Variants in FUT8 observed in about 807,000 individuals in gnomAD.
FUT8 encodes fucosyltransferase 8.
FUT8 carries 29 observed loss-of-function variants against 71.3 expected under a neutral mutation model. That is an observed-to-expected ratio of 0.41 (90% confidence interval 0.30 to 0.55). The LOEUF is 0.55. Among genes scored for constraint, FUT8 ranks in the 20% least tolerant of loss-of-function variants. The pLI is 0.34. For synonymous variants in FUT8, 254 were observed against 239.3 expected (o/e 1.06, Z -0.57); for missense variants, 544 against 702.1 (o/e 0.77, Z 2.55).
At chr14:65,390,093 G>A in the FUT8 span, among the ~76,000 whole-genome samples, 4 of 150,960 alleles carry the variant, frequency 2.6e-5, no homozygotes, top group African/African-American at 9.7e-5. Context: ...AGGAAGCCAC[G>A]ATCACACACA....
intron 1 of FUT8, among the ~76,000 whole-genome samples, chr14:65,425,659 GTGTT>G (rs1202757834): frequency 6.6e-6 from 1 of 151,978 alleles, no homozygotes; most frequent in Non-Finnish European, 1.5e-5. Context: ...TTATTTTTGT[GTGTT>G]TGTGTGGTGA....
upstream of FUT8, among the ~76,000 whole-genome samples, chr14:65,409,798 G>A (rs2065103801): frequency 6.6e-6 from 1 of 152,212 alleles, no homozygotes. The surrounding 1 kb of genome is among the most constrained non-coding windows in gnomAD (Gnocchi z 5.4). Context: ...ACAAGGCCCT[G>A]TTACTTGTTG....
In FUT8 at chr14:65,415,164, T is replaced by C. The variant is rs530060617; in HGVS notation, c.-326+1950T>C. Among the ~76,000 whole-genome samples the C allele has an allele frequency of 5.3e-5, 8 of 152,332 alleles. No homozygotes were observed. The East Asian group carries it at 1.5e-3, about 29-fold the overall frequency. On this transcript the variant is annotated intron_variant, in intron 1 of 10. Coordinates refer to ENST00000673929, the MANE Select transcript of FUT8 (RefSeq NM_001371533.1). ...ATTATTTTTAAAAATGCTGTTATAT[T>C]AGTACATTGGTCTGGAGGGGGAGCT...
intron 2 of FUT8, among the ~76,000 whole-genome samples, chr14:65,485,085 C>G (rs938894153): frequency 6.6e-6 from 1 of 151,816 alleles, no homozygotes; most frequent in Admixed American, 6.6e-5. Context: ...GCCTGTAATT[C>G]CAGCACTTTG....
intron 2 of FUT8, among the ~76,000 whole-genome samples, chr14:65,505,131 TTAAC>T (rs2066707539): frequency 6.6e-6 from 1 of 152,132 alleles, no homozygotes; most frequent in Admixed American, 6.5e-5. Flanking sequence ...CTTGTCTCAT[TTAAC>T]TAGCCACTGT....
chr14:65,641,717 T>C (rs993445861), intron 6 of FUT8, among the ~76,000 whole-genome samples: 10 of 151,362 alleles, frequency 6.6e-5, no homozygotes, highest in African/African-American at 2.4e-4. Context: ...AGTGTATGTG[T>C]AGGGGTATGT....
At chr14:65,715,646 T>C (rs1895018979) in intron 7 of FUT8, among the ~76,000 whole-genome samples, 1 of 152,234 alleles carries the variant, frequency 6.6e-6, no homozygotes, top group South Asian at 2.1e-4. Flanking sequence ...TAGGTTTTGG[T>C]ATGTTGTGTT....
chr14:65,517,569 A>T lies in FUT8; in HGVS notation c.-227-43768A>T, dbSNP rs565943010. 3.9e-5 allele frequency among the ~76,000 whole-genome samples: 6 copies of T among 152,300 alleles called. No homozygotes were observed. In the South Asian group the frequency reaches 1.0e-3, roughly 26 times the overall value. ...GCCACAGTCAACATATGCATATTCC[A>T]TTCAAGCATAGCATTTAACCTTCAA... On this transcript the variant is annotated intron_variant, in intron 2 of 10. Coordinates refer to ENST00000673929, the MANE Select transcript of FUT8 (RefSeq NM_001371533.1).
chr14:65,558,146 C>A (rs896134698), intron 2 of FUT8, among the ~76,000 whole-genome samples: 2 of 151,920 alleles, frequency 1.3e-5, no homozygotes, highest in East Asian at 3.9e-4. Context: ...GCCTGGCCAA[C>A]ATGGTGAAAT....
chr14:65,678,751 C>A (rs1017615663), intron 7 of FUT8, among the ~76,000 whole-genome samples: 4 of 152,038 alleles, frequency 2.6e-5, no homozygotes, highest in Non-Finnish European at 5.9e-5. Flanking sequence ...AGGGTTTTTT[C>A]ATTTAAAAGT....
chr14:65,454,399 C>T (rs919498043), intron 1 of FUT8, among the ~76,000 whole-genome samples: 3 of 151,766 alleles, frequency 2.0e-5, no homozygotes, highest in Non-Finnish European at 4.4e-5. Flanking sequence ...GGCTGAGGCA[C>T]GAGGATTACT....
chr14:65,412,239 C>T (rs921946620), upstream of FUT8: 11 of 456,636 alleles, frequency 2.4e-5, no homozygotes, highest in African/African-American at 2.2e-4. Flanking sequence ...GCGCTGGAAG[C>T]AGCAGTCAAG....
At chr14:65,655,376 T>C (rs1891623217) in intron 6 of FUT8, among the ~76,000 whole-genome samples, 1 of 150,516 alleles carries the variant, frequency 6.6e-6, no homozygotes, top group African/African-American at 2.4e-5. Flanking sequence ...CTCGGGAGGC[T>C]GTGGCAGGAG....
At chr14:65,436,358 C>A (rs559252143) in intron 1 of FUT8, among the ~76,000 whole-genome samples, 1 of 152,240 alleles carries the variant, frequency 6.6e-6, no homozygotes, top group South Asian at 2.1e-4. Flanking sequence ...TGGCCAGGCA[C>A]AGTGGCTCAC....
chr14:65,562,759 A>C (rs935591535), intron 3 of FUT8, among the ~76,000 whole-genome samples: 1 of 152,144 alleles, frequency 6.6e-6, no homozygotes, highest in Non-Finnish European at 1.5e-5. Context: ...AGGAGTAGAA[A>C]GTGGAAACAT....
At chr14:65,399,212 G>A in the FUT8 span, among the ~76,000 whole-genome samples, 2 of 152,164 alleles carry the variant, frequency 1.3e-5, no homozygotes, top group African/African-American at 4.8e-5. Context: ...AGCTACTCAG[G>A]AGGCTAAGGC....
intron 3 of FUT8, among the ~76,000 whole-genome samples, chr14:65,570,334 C>G (rs1460086049): frequency 6.6e-6 from 1 of 151,954 alleles, no homozygotes; most frequent in Non-Finnish European, 1.5e-5. Flanking sequence ...TCAGCCTGCT[C>G]TGGAATTTTA....
intron 2 of FUT8, among the ~76,000 whole-genome samples, chr14:65,456,570 ACT>A (rs1210747610): frequency 6.6e-6 from 1 of 151,758 alleles, no homozygotes; most frequent in African/African-American, 2.4e-5. Context: ...AAAAAATGTG[ACT>A]CTATGTTCTT....
intron 7 of FUT8, among the ~76,000 whole-genome samples, chr14:65,686,165 G>A (rs759105077): frequency 2.0e-5 from 3 of 152,180 alleles, no homozygotes; most frequent in Non-Finnish European, 4.4e-5. Context: ...CAGAAATGGA[G>A]AGATTTTATA....
Sources: gnomAD v4.1 joint callset for allele counts (sites outside exome capture counted in the v4.1 genomes callset) on GRCh38, gnomAD v4.1.1 for gene constraint, Gnocchi (gnomAD v3.1) non-coding constraint, MANE v1.5 for transcripts, NCBI Gene and HGNC (gene_info 2026-07-23, HGNC 2026-07-21) for gene names.